The following SEMA6D variants were observed in gnomAD, a reference collection of about 807,000 sequenced individuals.
The protein encoded by SEMA6D is semaphorin-6D.
A neutral mutation model predicts 106.6 loss-of-function variants in SEMA6D; 35 were observed. The ratio of observed to expected loss-of-function variants is 0.33; its 90% confidence interval spans 0.25 to 0.44. The LOEUF (loss-of-function observed/expected upper bound fraction) is 0.44, where lower values mean the gene tolerates loss of function less well. SEMA6D is among the 20% of genes least tolerant of loss of function. The pLI, the probability that SEMA6D is intolerant of heterozygous loss-of-function variation, is 1.00. For missense variants in SEMA6D, 1,185 were observed against 1,345.9 expected (o/e 0.88, Z 1.87); for synonymous variants, 499 against 487.7 (o/e 1.02, Z -0.31).
chr15:47,401,554 T>A (rs1397251610), intron 1 of SEMA6D, among the ~76,000 whole-genome samples: 1 of 152,182 alleles, frequency 6.6e-6, no homozygotes, highest in Non-Finnish European at 1.5e-5. Context: ...TCCTTCCACC[T>A]GCTCACCCAA....
chr15:47,716,089 A>G (rs2079107691), upstream of SEMA6D, among the ~76,000 whole-genome samples: 1 of 152,240 alleles, frequency 6.6e-6, no homozygotes, highest in Admixed American at 6.5e-5. Context: ...TAGCCGGCCA[A>G]CAAAAGACCT....
At position 47,349,050 on chromosome 15, in the gene SEMA6D, G is replaced by A. The variant is rs1439684543; in HGVS notation, c.-238-63343G>A. Among the ~76,000 whole-genome samples the A allele has an allele frequency of 2.0e-5, 3 of 151,980 alleles. No individual in the cohort carries two copies. The East Asian group carries it at 5.8e-4, about 29-fold the overall frequency. On this transcript the variant is annotated intron_variant, in intron 1 of 19. Transcript: ENST00000558014. Reference sequence around the variant, plus strand: ...GGAGCAAGGGACCAGGGCATCCATGGGCATCATCTACCATGCTTCATTCTC... The same window carrying A: ...GGAGCAAGGGACCAGGGCATCCATGAGCATCATCTACCATGCTTCATTCTC...
At chr15:47,557,584 C>T (rs542449569) in intron 3 of SEMA6D, among the ~76,000 whole-genome samples, 15 of 152,206 alleles carry the variant, frequency 9.9e-5, no homozygotes, top group Non-Finnish European at 1.8e-4. Flanking sequence ...AATAGATGAA[C>T]CAAGGACTTA....
intron 3 of SEMA6D, among the ~76,000 whole-genome samples, chr15:47,546,259 A>G (rs1490647025): frequency 1.3e-5 from 2 of 152,158 alleles, no homozygotes; most frequent in Non-Finnish European, 1.5e-5. Flanking sequence ...AATGAGAAAA[A>G]CACGTATATC....
intron 1 of SEMA6D, among the ~76,000 whole-genome samples, chr15:47,309,517 C>T (rs2036362771): frequency 6.6e-6 from 1 of 152,116 alleles, no homozygotes; most frequent in African/African-American, 2.4e-5. Flanking sequence ...CGAAGAGAAG[C>T]CATAAAGTGC....
chr15:47,257,212 C>T (rs911113056), intron 1 of SEMA6D, among the ~76,000 whole-genome samples: 1 of 151,988 alleles, frequency 6.6e-6, no homozygotes, highest in African/African-American at 2.4e-5. Flanking sequence ...TGCCTGCCAC[C>T]ACGCCCAGCT....
chr15:47,608,726 AATT>A (rs2076832595), intron 4 of SEMA6D, among the ~76,000 whole-genome samples: 1 of 152,152 alleles, frequency 6.6e-6, no homozygotes, highest in South Asian at 2.1e-4. Context: ...ATTCAACAAT[AATT>A]CAATCTCCTT....
intron 1 of SEMA6D, among the ~76,000 whole-genome samples, chr15:47,241,602 A>C (rs1266598989): frequency 2.6e-5 from 4 of 151,994 alleles, no homozygotes; most frequent in Non-Finnish European, 5.9e-5. Flanking sequence ...TAATGCATAC[A>C]TGACCCAGAG....
intron 1 of SEMA6D, among the ~76,000 whole-genome samples, chr15:47,374,147 T>C (rs1468806824): frequency 1.3e-5 from 2 of 152,198 alleles, no homozygotes; most frequent in Non-Finnish European, 2.9e-5. Flanking sequence ...TAAGTACGTA[T>C]GTTAATAACG....
intron 1 of SEMA6D, among the ~76,000 whole-genome samples, chr15:47,719,317 A>G (rs1567017730): frequency 6.6e-6 from 1 of 152,188 alleles, no homozygotes; most frequent in Non-Finnish European, 1.5e-5. Context: ...AAGGCGCAGC[A>G]CATCGTTACT....
chr15:47,732,108 A>G (rs1468096375), intron 1 of SEMA6D, among the ~76,000 whole-genome samples: 1 of 152,232 alleles, frequency 6.6e-6, no homozygotes, highest in Non-Finnish European at 1.5e-5. Context: ...CACAGTTCCT[A>G]GAACACAATA....
chr15:47,380,194 G>A (rs1427868232), intron 1 of SEMA6D, among the ~76,000 whole-genome samples: 1 of 152,180 alleles, frequency 6.6e-6, no homozygotes, highest in East Asian at 1.9e-4. Context: ...TATCCCTTAA[G>A]CATTTTCTTT....
chr15:47,298,187 C>T (rs1467007478), intron 1 of SEMA6D, among the ~76,000 whole-genome samples: 2 of 152,140 alleles, frequency 1.3e-5, no homozygotes, highest in Non-Finnish European at 2.9e-5. Context: ...AGAAGCCCTC[C>T]TGGGTTAGGG....
At chr15:47,663,663 G>A (rs1480762413) in intron 4 of SEMA6D, among the ~76,000 whole-genome samples, 1 of 152,190 alleles carries the variant, frequency 6.6e-6, no homozygotes, top group Non-Finnish European at 1.5e-5. Flanking sequence ...ACACCCCTCA[G>A]AAGATCCCGA....
intron 3 of SEMA6D, among the ~76,000 whole-genome samples, chr15:47,579,428 C>T (rs1339279969): frequency 6.6e-6 from 1 of 152,112 alleles, no homozygotes; most frequent in Non-Finnish European, 1.5e-5. Context: ...AGGTGTGAGC[C>T]ACCACGCCCA....
At chr15:47,569,298 A>G (rs1045309416) in intron 3 of SEMA6D, among the ~76,000 whole-genome samples, 2 of 152,080 alleles carry the variant, frequency 1.3e-5, no homozygotes, top group African/African-American at 4.8e-5. Context: ...ATCTGTTACT[A>G]CTGGCTCTCC....
intron 4 of SEMA6D, among the ~76,000 whole-genome samples, chr15:47,701,223 A>T (rs1281595124): frequency 6.6e-6 from 1 of 152,220 alleles, no homozygotes; most frequent in Non-Finnish European, 1.5e-5. Flanking sequence ...TCCAAAATAT[A>T]TAAAGAACAC....
At chr15:47,338,591 G>A (rs892249713) in intron 1 of SEMA6D, among the ~76,000 whole-genome samples, 1 of 152,206 alleles carries the variant, frequency 6.6e-6, no homozygotes, top group Non-Finnish European at 1.5e-5. Flanking sequence ...CTGCAAACCT[G>A]AGTAGCCTCA....
intron 1 of SEMA6D, among the ~76,000 whole-genome samples, chr15:47,276,771 TATAAGCGTTATTCTTTAGTAA>T (rs2034837478): frequency 6.6e-6 from 1 of 152,166 alleles, no homozygotes; most frequent in Non-Finnish European, 1.5e-5. Context: ...AATTTCAACT[TATAAGCGTTATTCTTTAGTAA>T]ATAATTTTGT....
Sources: allele counts gnomAD v4.1 joint callset (sites outside exome capture counted in the v4.1 genomes callset), GRCh38; gene constraint gnomAD v4.1.1; transcripts MANE v1.5; gene names NCBI Gene and HGNC (gene_info 2026-07-23, HGNC 2026-07-21).